Variants in ABTB3 observed in about 807,000 individuals in gnomAD.
ABTB3 encodes the protein ankyrin repeat and BTB domain containing 3, also known as ankyrin repeat- and BTB/POZ domain-containing protein 3.
chr12:107,454,943 C>G, the ABTB3 span, among the ~76,000 whole-genome samples: 2 of 152,174 alleles, frequency 1.3e-5, no homozygotes, highest in East Asian at 3.8e-4. Flanking sequence ...TTCACAACAA[C>G]CCTTGAAATT....
the ABTB3 span, chr12:107,614,976 A>G: frequency 2.6e-6 from 3 of 1,160,454 alleles, no homozygotes; most frequent in Non-Finnish European, 3.8e-6. Flanking sequence ...TCTCTAGCCC[A>G]TGTGCCCAGC....
chr12:107,346,868 A>G, the ABTB3 span, among the ~76,000 whole-genome samples: 5 of 152,318 alleles, frequency 3.3e-5, no homozygotes, highest in Admixed American at 1.3e-4. Context: ...GCAGAGGCCA[A>G]AGTATCACAT....
the ABTB3 span, among the ~76,000 whole-genome samples, chr12:107,602,315 T>C: frequency 3.3e-5 from 5 of 152,344 alleles, no homozygotes; most frequent in East Asian, 9.6e-4. Flanking sequence ...TTGTTAGATA[T>C]GATATCTAAT....
chr12:107,424,678 T>G, the ABTB3 span, among the ~76,000 whole-genome samples: 1 of 152,166 alleles, frequency 6.6e-6, no homozygotes, highest in African/African-American at 2.4e-5. Context: ...GTCAAAACTC[T>G]TTTCAGCCCA....
the ABTB3 span, among the ~76,000 whole-genome samples, chr12:107,357,195 T>C: frequency 6.6e-5 from 10 of 152,216 alleles, no homozygotes; most frequent in Non-Finnish European, 1.2e-4. Flanking sequence ...TTGCCCAGCA[T>C]TTATGGGGCA....
the ABTB3 span, among the ~76,000 whole-genome samples, chr12:107,346,074 T>C: frequency 2.6e-5 from 4 of 152,202 alleles, no homozygotes; most frequent in Admixed American, 2.6e-4. Flanking sequence ...GGCTCACACC[T>C]GGGGCTGTTG....
chr12:107,507,080 A>G, the ABTB3 span, among the ~76,000 whole-genome samples: 1 of 152,130 alleles, frequency 6.6e-6, no homozygotes, highest in African/African-American at 2.4e-5. Flanking sequence ...AGAGGGTGTA[A>G]AGAGGCCAAC....
chr12:107,646,829 G>C, the ABTB3 span, among the ~76,000 whole-genome samples: 1 of 152,178 alleles, frequency 6.6e-6, no homozygotes, highest in African/African-American at 2.4e-5. Context: ...ACGATTGCCT[G>C]ATGTGACCTG....
the ABTB3 span, among the ~76,000 whole-genome samples, chr12:107,558,420 C>T: frequency 1.2e-4 from 18 of 152,174 alleles, no homozygotes; most frequent in African/African-American, 1.9e-4. Flanking sequence ...AGGAGTTGAT[C>T]GGTGCCTGAG....
At chr12:107,464,786 C>T in the ABTB3 span, among the ~76,000 whole-genome samples, 2 of 152,158 alleles carry the variant, frequency 1.3e-5, no homozygotes, top group Non-Finnish European at 1.5e-5. Context: ...CTATCAAAGG[C>T]AGTTTTACTC....
At chr12:107,440,655 C>T in the ABTB3 span, among the ~76,000 whole-genome samples, 1 of 152,158 alleles carries the variant, frequency 6.6e-6, no homozygotes, top group South Asian at 2.1e-4. Flanking sequence ...CCCATTTCAA[C>T]TCCCCAGCTG....
chr12:107,476,162 C>T, the ABTB3 span, among the ~76,000 whole-genome samples: 1 of 152,136 alleles, frequency 6.6e-6, no homozygotes, highest in Non-Finnish European at 1.5e-5. Context: ...GCTAGCCTGG[C>T]CCCCGGCTAC....
chr12:107,461,039 G>A, the ABTB3 span, among the ~76,000 whole-genome samples: 29 of 152,274 alleles, frequency 1.9e-4, no homozygotes, highest in African/African-American at 6.7e-4. Context: ...CAGGGCTGGG[G>A]AGGCCTCACA....
the ABTB3 span, among the ~76,000 whole-genome samples, chr12:107,342,588 T>C: frequency 2.6e-4 from 39 of 152,128 alleles, no homozygotes; most frequent in African/African-American, 9.4e-4. Flanking sequence ...CCTGCTCTGA[T>C]ATTATTATTG....
chr12:107,532,131 C>A, the ABTB3 span, among the ~76,000 whole-genome samples: 10 of 152,366 alleles, frequency 6.6e-5, no homozygotes, highest in African/African-American at 2.4e-4. Context: ...GACAAGACCA[C>A]CAGCATCAGT....
chr12:107,466,348 G>A, the ABTB3 span, among the ~76,000 whole-genome samples: 1 of 152,090 alleles, frequency 6.6e-6, no homozygotes, highest in Non-Finnish European at 1.5e-5. Context: ...GGGCGCTTGG[G>A]ACACCGTGAG....
chr12:107,651,160 G>C, the ABTB3 span, among the ~76,000 whole-genome samples: 4 of 152,022 alleles, frequency 2.6e-5, no homozygotes, highest in Non-Finnish European at 5.9e-5. Flanking sequence ...GATGAAAACC[G>C]ACACAGATCC....
At chr12:107,657,406 G>A in the ABTB3 span, 2 of 987,782 alleles carry the variant, frequency 2.0e-6, no homozygotes, top group Non-Finnish European at 3.1e-6. Flanking sequence ...TCTGCAGCCA[G>A]TCTTCCTTAG....
chr12:107,617,070 G>A, the ABTB3 span: 23 of 1,612,606 alleles, frequency 1.4e-5, no homozygotes, highest in African/African-American at 2.7e-4. Context: ...CCGTCTCAAT[G>A]GCCGCTCTTC....
Sources: gnomAD v4.1 joint callset for allele counts (sites outside exome capture counted in the v4.1 genomes callset) on GRCh38, gnomAD v4.1.1 for gene constraint, MANE v1.5 for transcripts, NCBI Gene and HGNC (gene_info 2026-07-23, HGNC 2026-07-21) for gene names.